PAK2: variants seen among roughly 807,000 people sequenced by gnomAD.
PAK2 encodes serine/threonine-protein kinase PAK 2.
PAK2 carries 21 observed loss-of-function variants against 65.9 expected under a neutral mutation model. That is an observed-to-expected ratio of 0.32 (90% confidence interval 0.23 to 0.46). PAK2 has a LOEUF of 0.46. PAK2 is among the 20% of genes least tolerant of loss of function. The pLI, the probability that PAK2 is intolerant of heterozygous loss-of-function variation, is 1.00. For synonymous variants in PAK2, 204 were observed against 219.7 expected, an observed-to-expected ratio of 0.93 and a Z score of 0.63; for missense variants, 324 against 642.6, an observed-to-expected ratio of 0.50 and a Z score of 5.36.
At chr3:196,745,586 G>T (rs2108705141) in intron 1 of PAK2, among the ~76,000 whole-genome samples, 1 of 152,240 alleles carries the variant, frequency 6.6e-6, no homozygotes, top group African/African-American at 2.4e-5. Context: ...GGCCTAGGTG[G>T]GTGGATCACC....
intron 4 of PAK2, 45 bp from the exon 5 acceptor site, chr3:196,805,307 T>A: frequency 9.8e-7 from 1 of 1,025,068 alleles, no homozygotes; most frequent in Non-Finnish European, 1.5e-6. Flanking sequence ...CATATAAAAG[T>A]GCTGTTTCTT....
At chr3:196,813,994 T>C (rs1257816237) in intron 10 of PAK2, among the ~76,000 whole-genome samples, 1 of 152,166 alleles carries the variant, frequency 6.6e-6, no homozygotes, top group African/African-American at 2.4e-5. Flanking sequence ...GTTCCCTGCT[T>C]TTTAAAATAA....
intron 2 of PAK2, among the ~76,000 whole-genome samples, chr3:196,795,178 GGGCACAGT>G (rs1715209569): frequency 6.6e-6 from 1 of 151,980 alleles, no homozygotes; most frequent in Admixed American, 6.6e-5. Flanking sequence ...TGTTAGGGCT[GGGCACAGT>G]GGCTCATGCC....
chr3:196,751,523 T>TG (rs1016569630), intron 1 of PAK2, among the ~76,000 whole-genome samples: 2 of 150,100 alleles, frequency 1.3e-5, no homozygotes, highest in African/African-American at 4.9e-5. Flanking sequence ...GGCACGCACC[T>TG]GTAATCCCAG....
intron 2 of PAK2, among the ~76,000 whole-genome samples, chr3:196,801,384 A>G (rs1715417995): frequency 6.6e-6 from 1 of 151,924 alleles, no homozygotes. Context: ...GTGCCTCCTC[A>G]GTGTTTGGTT....
Position 196,739,917 on chromosome 3 carries a change from G to A in PAK2, c.-262G>A, listed in dbSNP as rs1030456745. The A allele has an allele frequency of 3.3e-5, 5 of 152,058 alleles. No homozygotes were observed. The highest frequency in any genetic ancestry group is 1.3e-4 in the Admixed American group (2 of 15,274). The allele number at this position is 152,058 out of a possible 1,614,324, so 9.4% of individuals were successfully genotyped here. On this transcript the variant is annotated 5_prime_UTR_variant, in exon 1 of 15. Transcript: ENST00000327134. ...GCGGCGGTTGTTCCGCTTCCCCTCCGGCCCGGGCCGTCGCCATTGCCGAAG... is the reference window on the plus strand; with the variant it reads ...GCGGCGGTTGTTCCGCTTCCCCTCCAGCCCGGGCCGTCGCCATTGCCGAAG...
Position 196,803,175 on chromosome 3 carries a change from G to A in PAK2, c.436+11G>A, listed in dbSNP as rs765399513. 5.0e-6 allele frequency: 8 copies of A among 1,587,564 alleles called. No homozygotes were observed. In the South Asian group the frequency reaches 9.2e-5, roughly 18 times the overall value. On this transcript the variant is annotated intron_variant, in intron 4 of 14. Transcript: ENST00000327134. ...GCTTTACTCCTCCTGGTAAGAGAGT[G>A]GCATAAGGCTGGATCAGATGGAGAT...
In PAK2 at chr3:196,775,479, T is replaced by C. The variant is rs561333080; in HGVS notation, c.-21-7147T>C. On this transcript the variant is annotated intron_variant, in intron 1 of 14. Coordinates refer to ENST00000327134, the MANE Select transcript of PAK2 (RefSeq NM_002577.4). ...CTCACTGCAAGCTCCGCCTCCCGGG[T>C]TCAAGCAATTCTCCTGCCTCAGCCT... Among the ~76,000 whole-genome samples, 6 of 152,034 alleles carry C rather than the reference T, an allele frequency of 3.9e-5. No homozygotes were observed. In the East Asian group the frequency reaches 9.7e-4, roughly 25 times the overall value.
chr3:196,752,942 G>T (rs1280337384), intron 1 of PAK2, among the ~76,000 whole-genome samples: 1 of 151,660 alleles, frequency 6.6e-6, no homozygotes, highest in Admixed American at 6.6e-5. Context: ...CACCATGGAG[G>T]TGAAAAGAGG....
intron 1 of PAK2, among the ~76,000 whole-genome samples, chr3:196,742,636 C>T (rs555745229): frequency 2.0e-5 from 3 of 152,074 alleles, no homozygotes; most frequent in Non-Finnish European, 2.9e-5. Flanking sequence ...TCTTCTTCGC[C>T]GGGCGCGGTG....
Position 196,832,393 on chromosome 3 carries a change from A to G in PAK2, c.*3988A>G, listed in dbSNP as rs1365356842. 1 of 152,136 alleles carries G rather than the reference A, an allele frequency of 6.6e-6. No homozygotes were observed. The highest frequency in any genetic ancestry group is 1.5e-5 in the Non-Finnish European group (1 of 68,038). The allele number at this position is 152,136 out of a possible 1,614,324, so 9.4% of individuals were successfully genotyped here. On this transcript the variant is annotated 3_prime_UTR_variant, in exon 15 of 15. Transcript: ENST00000327134. Reference sequence around the variant, plus strand: ...TTTATTTTTAATTTAATCCCGTTCAATTATTTAATTGTTATACATTGACAT... The same window carrying G: ...TTTATTTTTAATTTAATCCCGTTCAGTTATTTAATTGTTATACATTGACAT...
In PAK2 at chr3:196,830,635, T is replaced by C. The variant is rs1376401008; in HGVS notation, c.*2230T>C. ...GGATTTGTAGTTGCGACTTCTTCGA[T>C]AGTTACCTGCACGTCCATTGCTGGC... is the stretch of plus-strand genomic sequence containing the variant. On this transcript the variant is annotated 3_prime_UTR_variant, in exon 15 of 15. Coordinates refer to ENST00000327134, the MANE Select transcript of PAK2 (RefSeq NM_002577.4). 6.6e-6 allele frequency: 1 copy of C among 152,230 alleles called. No individual in the cohort carries two copies. Among genetic ancestry groups the C allele is most frequent in the Non-Finnish European group, 1.5e-5 (1 of 68,034 alleles). The allele number at this position is 152,230 out of a possible 1,614,324, so 9.4% of individuals were successfully genotyped here.
intron 1 of PAK2, among the ~76,000 whole-genome samples, chr3:196,753,099 C>T (rs1310481065): frequency 2.0e-5 from 3 of 151,418 alleles, no homozygotes; most frequent in Non-Finnish European, 2.9e-5. Flanking sequence ...GCTGGGATTA[C>T]AGGCACCCAC....
chr3:196,810,668 C>T lies in PAK2; in HGVS notation c.773+15C>T, dbSNP rs752042469. ...ATTGGACAAGGGTAAGTATTTGTGA[C>T]TGTATTACGATAATATTCAGTATTC... On this transcript the variant is annotated intron_variant, in intron 8 of 14. Coordinates refer to ENST00000327134, the MANE Select transcript of PAK2 (RefSeq NM_002577.4). 1.3e-5 allele frequency: 16 copies of T among 1,242,458 alleles called. No individual in the cohort carries two copies. Among genetic ancestry groups the T allele is most frequent in the Non-Finnish European group, 1.9e-5 (16 of 843,136 alleles). 77.0% of individuals were successfully genotyped at this position (1,242,458 alleles called of 1,614,324 possible).
chr3:196,764,059 C>T (rs1156239964), intron 1 of PAK2, among the ~76,000 whole-genome samples: 26 of 151,692 alleles, frequency 1.7e-4, no homozygotes, highest in Non-Finnish European at 3.5e-4. Context: ...CCACCTGCCT[C>T]CGAAAGTGCT....
At chr3:196,803,461 C>A (rs930592802) in intron 4 of PAK2, among the ~76,000 whole-genome samples, 1 of 152,038 alleles carries the variant, frequency 6.6e-6, no homozygotes, top group Non-Finnish European at 1.5e-5. Flanking sequence ...TTTCACTCTT[C>A]ACTGCTTTTA....
chr3:196,807,612 T>A (rs1464782200), intron 6 of PAK2, among the ~76,000 whole-genome samples, 170 bp from the exon 7 acceptor site: 2 of 152,192 alleles, frequency 1.3e-5, no homozygotes, highest in Middle Eastern at 3.2e-3. Flanking sequence ...TTCACATTTA[T>A]TCTTCTTAGT....
At chr3:196,792,350 G>A (rs528719123) in intron 2 of PAK2, among the ~76,000 whole-genome samples, 8 of 152,270 alleles carry the variant, frequency 5.3e-5, no homozygotes, top group African/African-American at 1.9e-4. Context: ...TTGAGTGCAC[G>A]ACCTCAAATT....
chr3:196,823,568 CA>C, intron 13 of PAK2, among the ~76,000 whole-genome samples: 1 of 150,230 alleles, frequency 6.7e-6, no homozygotes, highest in East Asian at 1.9e-4. Flanking sequence ...AACAAACAAA[CA>C]AAAAAAACAC....
Sources: gnomAD v4.1 joint callset for allele counts (sites outside exome capture counted in the v4.1 genomes callset) on GRCh38, gnomAD v4.1.1 for gene constraint, MANE v1.5 for transcripts, NCBI Gene and HGNC (gene_info 2026-07-23, HGNC 2026-07-21) for gene names.